The following SEPTIN3 variants were observed in gnomAD, a reference collection of about 807,000 sequenced individuals.
SEPTIN3 encodes septin 3, also known as neuronal-specific septin-3.
SEPTIN3 carries 15 observed loss-of-function variants against 45.1 expected under a neutral mutation model. The ratio of observed to expected loss-of-function variants is 0.33; its 90% CI spans 0.22 to 0.51. SEPTIN3 has a LOEUF of 0.51. SEPTIN3 is among the 20% of genes least tolerant of loss of function. The probability of loss-of-function intolerance (pLI) is 0.97; values close to 1 mark genes in which losing one functional copy is unlikely to be tolerated. For synonymous variants in SEPTIN3, 148 were observed against 164.8 expected (o/e 0.90, Z 0.78); for missense variants, 289 against 457.2 (o/e 0.63, Z 3.35).
chr22:41,972,756 A>G lies in SEPTIN3; in HGVS notation c.1264A>G (p.Asn422Asp), dbSNP rs558109005. ...CAGAGCCAAGCTGGGCACGGCTAAG[A>G]ATTCTCTTGCTTTGGACACAAGCAG... Reference protein sequence around the residue: ...VNRAKLGTAKNSLALDTSRMG... With the variant: ...VNRAKLGTAKDSLALDTSRMG... The change falls in exon 2 of 12, where the codon AAT becomes GAT. Residue 422 changes from asparagine (N) to aspartate (D), a missense_variant. Asn to Asp is a conservative substitution (Grantham distance 23, BLOSUM62 1). Coordinates refer to ENST00000644076, the MANE Select transcript of SEPTIN3 (RefSeq NM_001363845.2). 2.4e-4 allele frequency: 97 copies of G among 399,066 alleles called. No homozygotes were observed. The highest frequency in any genetic ancestry group is 4.9e-5 in the Non-Finnish European group (11 of 226,108). The allele number at this position is 399,066 out of a possible 1,614,324, so 24.7% of individuals were successfully genotyped here. A position where few individuals can be genotyped will look rare whatever the true frequency, so the allele number is the denominator to read the frequency against.
chr22:41,997,461 A>T lies in SEPTIN3; in HGVS notation c.*494A>T, dbSNP rs946476514. The T allele has an allele frequency of 5.2e-5, 8 of 154,738 alleles. No homozygotes were observed. Among genetic ancestry groups the T allele is most frequent in the African/African-American group, 1.9e-4 (8 of 41,424 alleles). The allele number at this position is 154,738 out of a possible 1,614,324, so 9.6% of individuals were successfully genotyped here. On this transcript the variant is annotated 3_prime_UTR_variant, in exon 12 of 12. Coordinates refer to ENST00000644076, the MANE Select transcript of SEPTIN3 (RefSeq NM_001363845.2). ...CCTTCATTACTTAAAGATATTCATGAGGGTGGGTCACTACAGATGTTGGGG... is the reference window on the plus strand; with the variant it reads ...CCTTCATTACTTAAAGATATTCATGTGGGTGGGTCACTACAGATGTTGGGG...
chr22:41,986,201 A>C, intron 4 of SEPTIN3, 89 bp downstream of exon 4: 1 of 1,504,334 alleles, frequency 6.6e-7, no homozygotes, highest in African/African-American at 1.4e-5. Context: ...GAAGAATAAG[A>C]TCAATAAAAG....
Position 41,996,988 on chromosome 22 carries a change from TCTCA to T in SEPTIN3, c.*25_*28del. 1 of 1,613,896 alleles carries T rather than the reference TCTCA, an allele frequency of 6.2e-7. No individual in the cohort carries two copies. The highest frequency in any genetic ancestry group is 8.5e-7 in the Non-Finnish European group (1 of 1,179,864). ...AATGAAGGCCATTTCAAGCGCTGCT[TCTCA>T]CTCCATTCCTCTCAGCTGTTATTGC... On this transcript the variant is annotated 3_prime_UTR_variant, in exon 12 of 12. Transcript: ENST00000644076.
intron 7 of SEPTIN3, among the ~76,000 whole-genome samples, chr22:41,991,223 G>A (rs554707914): frequency 6.6e-6 from 1 of 152,206 alleles, no homozygotes; most frequent in South Asian, 2.1e-4. Flanking sequence ...TTCCAATCAG[G>A]AATATAACAT....
At position 41,971,876 on chromosome 22, in the gene SEPTIN3, C is replaced by T. The variant is rs2077963759; in HGVS notation, c.384C>T (p.His128=). 1 of 399,088 alleles carries T rather than the reference C, an allele frequency of 2.5e-6. No homozygotes were observed. The highest frequency in any genetic ancestry group is 4.4e-6 in the Non-Finnish European group (1 of 226,196). The allele number at this position is 399,088 out of a possible 1,614,324, so 24.7% of individuals were successfully genotyped here. A position where few individuals can be genotyped will look rare whatever the true frequency, so the allele number is the denominator to read the frequency against. The change falls in exon 2 of 12, where the codon CAC becomes CAT. Residue 128 remains histidine, a synonymous_variant. Transcript: ENST00000644076. ...GGTCCCTGGATCGCCCACTTTCTCA[C>T]TGGGAAGAGTTGCCTACCCCAGGAA... ...QARSLDRPLS[H]WEELPTPGKK...
intron 7 of SEPTIN3, among the ~76,000 whole-genome samples, chr22:41,990,628 C>A (rs1210017134): frequency 6.6e-6 from 1 of 150,924 alleles, no homozygotes; most frequent in African/African-American, 2.4e-5. Flanking sequence ...TGCCTGTAGT[C>A]CCAGCTACTC....
At chr22:41,981,879 GCAC>G in intron 3 of SEPTIN3, 43 bp downstream of exon 3, 1 of 1,558,026 alleles carries the variant, frequency 6.4e-7, no homozygotes, top group Non-Finnish European at 8.8e-7. Flanking sequence ...GTGGCGGGCA[GCAC>G]CAAGGATCCC....
At chr22:41,978,735 C>A (rs2146679284) in intron 2 of SEPTIN3, among the ~76,000 whole-genome samples, 1 of 152,208 alleles carries the variant, frequency 6.6e-6, no homozygotes, top group South Asian at 2.1e-4. Context: ...TGGTGTAGAC[C>A]CCCATTTGAC....
Position 41,987,428 on chromosome 22 carries a change from G to T in SEPTIN3, c.1907+141G>T, listed in dbSNP as rs2078227522. 6.5e-6 allele frequency: 7 copies of T among 1,076,090 alleles called. No individual in the cohort carries two copies. In the South Asian group the frequency reaches 1.1e-4, roughly 17 times the overall value. 66.7% of individuals were successfully genotyped at this position (1,076,090 alleles called of 1,614,324 possible). On this transcript the variant is annotated intron_variant, in intron 5 of 11. Coordinates refer to ENST00000644076, the MANE Select transcript of SEPTIN3 (RefSeq NM_001363845.2). Reference sequence around the variant, plus strand: ...GACAGCCCAGGCCAGGGCCCCTGGGGAGCTCCACCCCTGCTAACTAACCAT... The same window carrying T: ...GACAGCCCAGGCCAGGGCCCCTGGGTAGCTCCACCCCTGCTAACTAACCAT...
chr22:41,986,244 C>T (rs2078205984), intron 4 of SEPTIN3, 132 bp downstream of exon 4: 2 of 1,047,690 alleles, frequency 1.9e-6, no homozygotes, highest in Non-Finnish European at 2.7e-6. Flanking sequence ...GTGAGCACTT[C>T]ACTCTGAAGC....
Position 41,987,220 on chromosome 22 carries a change from G to C in SEPTIN3, c.1840G>C (p.Gly614Arg), listed in dbSNP as rs750322012. 1 of 1,613,296 alleles carries C rather than the reference G, an allele frequency of 6.2e-7. No homozygotes were observed. Among genetic ancestry groups the C allele is most frequent in the African/African-American group, 1.3e-5 (1 of 74,844 alleles). ...TTCACCCCCAGTGATAGAGGAAGGCGGTGTCAAAATGAAGCTGACCGTCAT... is the reference window on the plus strand; with the variant it reads ...TTCACCCCCAGTGATAGAGGAAGGCCGTGTCAAAATGAAGCTGACCGTCAT... Reference protein sequence around the residue: ...KAIGHVIEEGGVKMKLTVIDT... With the variant: ...KAIGHVIEEGRVKMKLTVIDT... The change falls in exon 5 of 12, where the codon GGT (glycine) becomes CGT (arginine). Residue 614 changes from glycine to arginine, a missense_variant. Gly to Arg is a moderately radical substitution (Grantham distance 125). Coordinates refer to ENST00000644076, the MANE Select transcript of SEPTIN3 (RefSeq NM_001363845.2).
chr22:41,989,486 G>C (rs2078267062), intron 6 of SEPTIN3, 81 bp from the exon 7 acceptor site: 1 of 892,594 alleles, frequency 1.1e-6, no homozygotes, highest in Non-Finnish European at 1.9e-6. Context: ...CTCTTCTCCT[G>C]TGGGTGTCCT....
At chr22:41,984,504 C>T (rs553651821) in intron 3 of SEPTIN3, among the ~76,000 whole-genome samples, 17 of 152,232 alleles carry the variant, frequency 1.1e-4, no homozygotes, top group Admixed American at 3.3e-4. Flanking sequence ...GATTCTTGTA[C>T]GTGTTGAAGT....
At chr22:41,978,699 C>A (rs150813274) in intron 2 of SEPTIN3, among the ~76,000 whole-genome samples, 2 of 152,252 alleles carry the variant, frequency 1.3e-5, no homozygotes, top group Non-Finnish European at 2.9e-5. Context: ...ACATAAGTGT[C>A]CTTGGAATTT....
rs2078386311 is a variant in SEPTIN3, at chr22:41,994,400, C to T, written c.2411+59C>T. 1.9e-6 allele frequency: 3 copies of T among 1,578,744 alleles called. No homozygotes were observed. The highest frequency in any genetic ancestry group is 2.7e-5 in the African/African-American group (2 of 74,138). ...AGGTTGAATTATTTGGGGTCAGGGTCTATCTGTTCAGATTCACCTCCTGCA... is the reference window on the plus strand; with the variant it reads ...AGGTTGAATTATTTGGGGTCAGGGTTTATCTGTTCAGATTCACCTCCTGCA... On this transcript the variant is annotated intron_variant, in intron 10 of 11. Transcript: ENST00000644076. This position sits in a 1 kb window ranked among gnomAD's most constrained non-coding sequence, Gnocchi z 4.2.
intron 9 of SEPTIN3, among the ~76,000 whole-genome samples, chr22:41,993,625 G>C (rs2078362788): frequency 6.6e-6 from 1 of 152,070 alleles, no homozygotes; most frequent in Non-Finnish European, 1.5e-5. Flanking sequence ...CAAAGTGCTG[G>C]GATTACAGAT....
In SEPTIN3 at chr22:41,971,972, G is replaced by T; in HGVS notation, c.480G>T (p.Gly160=). The change falls in exon 2 of 12, where the codon GGG becomes GGT. Residue 160 remains glycine (G), a synonymous_variant. Coordinates refer to ENST00000644076, the MANE Select transcript of SEPTIN3 (RefSeq NM_001363845.2). ...CGCCACCTGTGACCCTAGTGCCAGG[G>T]GGCAGGGTCCACTCTGAGGGCCCAG... The part of the protein sequence containing the change: ...PGSPPVTLVP[G]GRVHSEGPGN... 1 of 399,124 alleles carries T rather than the reference G, an allele frequency of 2.5e-6. No individual in the cohort carries two copies. The highest frequency in any genetic ancestry group is 1.3e-4 in the South Asian group (1 of 7,862). 24.7% of individuals were successfully genotyped at this position (399,124 alleles called of 1,614,324 possible).
At chr22:41,980,129 CTTTTTTTTTTTTTTTT>C (rs569424612) in intron 2 of SEPTIN3, among the ~76,000 whole-genome samples, 104 of 103,408 alleles carry the variant, frequency 1.0e-3, no homozygotes, top group Non-Finnish European at 1.6e-3. Context: ...TGCTCAGTGC[CTTTTTTTTTTTTTTTT>C]TTTTTTTTTT....
intron 5 of SEPTIN3, 71 bp from the exon 6 acceptor site, chr22:41,987,551 C>T (rs1678512104): frequency 2.0e-6 from 3 of 1,525,048 alleles, no homozygotes; most frequent in African/African-American, 1.4e-5. Flanking sequence ...GAGATTGCTA[C>T]CAGATCATGC....
Sources: allele counts gnomAD v4.1 joint callset (sites outside exome capture counted in the v4.1 genomes callset), GRCh38; gene constraint gnomAD v4.1.1; non-coding constraint Gnocchi (gnomAD v3.1); transcripts MANE v1.5; gene names NCBI Gene and HGNC (gene_info 2026-07-23, HGNC 2026-07-21).